Variants in PLXNA4 observed in about 807,000 individuals in gnomAD.
PLXNA4 encodes the protein plexin A4.
A neutral mutation model predicts 191.8 loss-of-function variants in PLXNA4; 44 were observed. That is an observed-to-expected ratio of 0.23 (90% CI 0.18 to 0.29). The LOEUF is 0.29. Among genes scored for constraint, PLXNA4 ranks in the 10% least tolerant of loss-of-function variants. The pLI, the probability that PLXNA4 is intolerant of heterozygous loss-of-function variation, is 1.00. For missense variants in PLXNA4, 1,800 were observed against 2,488.8 expected, an observed-to-expected ratio of 0.72 and a Z score of 5.89; for synonymous variants, 1,082 against 1,009.5, an observed-to-expected ratio of 1.07 and a Z score of -1.36.
intron 3 of PLXNA4, among the ~76,000 whole-genome samples, chr7:132,342,390 C>T (rs764362167): frequency 6.6e-6 from 1 of 151,726 alleles, no homozygotes; most frequent in Admixed American, 6.6e-5. Context: ...TTCATCTTGG[C>T]TATAAAATAA....
chr7:132,433,201 G>A (rs1795339567), intron 3 of PLXNA4, among the ~76,000 whole-genome samples: 1 of 152,146 alleles, frequency 6.6e-6, no homozygotes, highest in Non-Finnish European at 1.5e-5. Context: ...AAAATCAATA[G>A]TTTTGACTCT....
intron 4 of PLXNA4, among the ~76,000 whole-genome samples, chr7:132,283,250 G>T (rs912889587): frequency 2.6e-5 from 4 of 152,170 alleles, no homozygotes; most frequent in African/African-American, 9.7e-5. Flanking sequence ...GAACATCTGA[G>T]AAGATGCAAA....
At chr7:132,648,519 C>T (rs1028768942) in exon 1 of PLXNA4, 22 of 152,172 alleles carry the variant, frequency 1.4e-4, no homozygotes, top group African/African-American at 4.8e-4. Context: ...TTTACCTTTT[C>T]GGGGTAATTA....
intron 1 of PLXNA4, among the ~76,000 whole-genome samples, chr7:132,509,012 A>G (rs376255634): frequency 2.1e-4 from 1 of 4,816 alleles, no homozygotes; most frequent in African/African-American, 2.3e-4. Context: ...GATGATAATG[A>G]CATGATAATA....
At chr7:132,151,298 A>G (rs866669737) in intron 25 of PLXNA4, among the ~76,000 whole-genome samples, 878 of 31,310 alleles carry the variant, frequency 0.028, 25 homozygotes, top group African/African-American at 0.058. Context: ...GAGGAAGAAG[A>G]AGGAGGAGGA....
intron 3 of PLXNA4, chr7:132,485,053 G>A (rs1563126425): frequency 1.9e-5 from 30 of 1,590,968 alleles, no homozygotes; most frequent in Admixed American, 1.6e-4. Context: ...ACAGGCTTGA[G>A]AAAAAAAAAT....
At chr7:132,302,316 C>T (rs563743174) in intron 3 of PLXNA4, among the ~76,000 whole-genome samples, 8 of 152,214 alleles carry the variant, frequency 5.3e-5, no homozygotes, top group South Asian at 4.2e-4. Context: ...ATGGTCCACC[C>T]TCTGCAGGGG....
intron 2 of PLXNA4, among the ~76,000 whole-genome samples, chr7:132,593,832 CAA>C (rs1802651594): frequency 6.6e-6 from 1 of 152,212 alleles, no homozygotes; most frequent in African/African-American, 2.4e-5. Flanking sequence ...CAGGCACTCA[CAA>C]AAAGAGGTTG....
intron 2 of PLXNA4, among the ~76,000 whole-genome samples, chr7:132,627,204 C>T (rs1272261104): frequency 2.6e-5 from 4 of 152,138 alleles, no homozygotes; most frequent in Admixed American, 1.3e-4. Flanking sequence ...CACCTTCTGC[C>T]ATTTATTTTT....
chr7:132,562,636 T>C, intron 1 of PLXNA4, among the ~76,000 whole-genome samples: 1 of 113,946 alleles, frequency 8.8e-6, no homozygotes, highest in Non-Finnish European at 1.8e-5. Flanking sequence ...CTCCTTCTCC[T>C]CCTCTTTCTC....
upstream of PLXNA4, chr7:132,576,483 T>C: frequency 2.0e-6 from 2 of 985,006 alleles, no homozygotes; most frequent in Non-Finnish European, 2.4e-6. This position sits in a 1 kb window ranked among gnomAD's most constrained non-coding sequence, Gnocchi z 5.8. Flanking sequence ...AGATGGAGCC[T>C]ATGCCGCTGC....
intron 3 of PLXNA4, among the ~76,000 whole-genome samples, chr7:132,449,641 C>G (rs1036789518): frequency 4.0e-5 from 6 of 151,654 alleles, no homozygotes; most frequent in African/African-American, 1.4e-4. Context: ...CTGCCACTGT[C>G]ACACATGACT....
At chr7:132,574,999 C>T (rs950325230) in intron 1 of PLXNA4, among the ~76,000 whole-genome samples, 2 of 152,188 alleles carry the variant, frequency 1.3e-5, no homozygotes, top group Non-Finnish European at 2.9e-5. Context: ...ACAGAGGGTA[C>T]AAGCTTATTC....
intron 3 of PLXNA4, among the ~76,000 whole-genome samples, chr7:132,421,246 AT>A (rs1794840995): frequency 6.6e-6 from 1 of 152,236 alleles, no homozygotes; most frequent in South Asian, 2.1e-4. Flanking sequence ...TTCGAGGTTC[AT>A]CTACATTGTA....
intron 3 of PLXNA4, among the ~76,000 whole-genome samples, chr7:132,418,291 T>C (rs1484502249): frequency 1.3e-5 from 2 of 152,222 alleles, no homozygotes; most frequent in African/African-American, 4.8e-5. Flanking sequence ...TTCTCCATGA[T>C]TTCTACTCCA....
intron 10 of PLXNA4, among the ~76,000 whole-genome samples, chr7:132,204,330 G>C (rs1201688896): frequency 2.0e-5 from 3 of 152,208 alleles, no homozygotes; most frequent in Non-Finnish European, 2.9e-5. Context: ...GAGAAAGAGG[G>C]TTAGCAGAGG....
At chr7:132,272,702 T>C (rs983192871) in intron 4 of PLXNA4, among the ~76,000 whole-genome samples, 2 of 152,210 alleles carry the variant, frequency 1.3e-5, no homozygotes, top group African/African-American at 2.4e-5. Context: ...CCAGCAACAT[T>C]ACACTTCTTA....
intron 3 of PLXNA4, among the ~76,000 whole-genome samples, chr7:132,414,789 T>A (rs1207927291): frequency 6.6e-6 from 1 of 152,180 alleles, no homozygotes; most frequent in Non-Finnish European, 1.5e-5. Context: ...TAGGATGTGC[T>A]ATGAGTTCCA....
intron 1 of PLXNA4, among the ~76,000 whole-genome samples, chr7:132,542,105 T>C (rs2116510575): frequency 6.6e-6 from 1 of 152,316 alleles, no homozygotes; most frequent in South Asian, 2.1e-4. Flanking sequence ...GTGGTCTCTG[T>C]GTTTTCTTGT....
Sources: gnomAD v4.1 joint callset for allele counts (sites outside exome capture counted in the v4.1 genomes callset) on GRCh38, gnomAD v4.1.1 for gene constraint, Gnocchi (gnomAD v3.1) non-coding constraint, MANE v1.5 for transcripts, NCBI Gene and HGNC (gene_info 2026-07-23, HGNC 2026-07-21) for gene names.